Variants in REPS1 observed in about 807,000 individuals in gnomAD.
REPS1 encodes RALBP1 associated Eps domain containing 1, also known as ralBP1-associated Eps domain-containing protein 1.
Under a neutral mutation model 100.9 loss-of-function variants are expected in REPS1, and 39 were observed. The ratio of observed to expected loss-of-function variants is 0.39; its 90% CI spans 0.30 to 0.50. The LOEUF (loss-of-function observed/expected upper bound fraction) is 0.50, where lower values mean the gene tolerates loss of function less well. Ranked by LOEUF, REPS1 falls within the 20% of genes least tolerant of loss-of-function variation. The probability of loss-of-function intolerance (pLI) is 0.86; values close to 1 mark genes in which losing one functional copy is unlikely to be tolerated. For missense variants in REPS1, 821 were observed against 968.5 expected (o/e 0.85, Z 2.02); for synonymous variants, 324 against 340.3 (o/e 0.95, Z 0.53).
intron 1 of REPS1, among the ~76,000 whole-genome samples, chr6:138,979,493 A>G (rs947602469): frequency 3.3e-5 from 5 of 152,088 alleles, no homozygotes; most frequent in Non-Finnish European, 7.4e-5. Context: ...TTATCCCTCA[A>G]ATCACTCAAA....
intron 1 of REPS1, among the ~76,000 whole-genome samples, chr6:138,957,956 G>A (rs1783503092): frequency 6.6e-6 from 1 of 152,154 alleles, no homozygotes; most frequent in African/African-American, 2.4e-5. Flanking sequence ...TATTACATAT[G>A]TGAAAGTACC....
intron 4 of REPS1, 42 bp downstream of exon 4, chr6:138,945,177 T>C (rs766198689): frequency 7.2e-6 from 11 of 1,532,098 alleles, no homozygotes; most frequent in Non-Finnish European, 9.7e-6. Flanking sequence ...AAGACCAGCC[T>C]GGGCAACACA....
intron 14 of REPS1, 44 bp from the exon 15 acceptor site, chr6:138,914,805 A>T: frequency 6.7e-7 from 1 of 1,493,036 alleles, no homozygotes; most frequent in Non-Finnish European, 9.3e-7. Context: ...CTGTATAATC[A>T]CTTTGTTAAT....
At chr6:138,923,797 G>C (rs913030549) in intron 10 of REPS1, among the ~76,000 whole-genome samples, 1 of 152,132 alleles carries the variant, frequency 6.6e-6, no homozygotes, top group African/African-American at 2.4e-5. Context: ...GACCAGTTTG[G>C]AACTTTGCAC....
chr6:138,953,343 G>A (rs1359669345), intron 1 of REPS1, among the ~76,000 whole-genome samples: 1 of 151,944 alleles, frequency 6.6e-6, no homozygotes, highest in Admixed American at 6.6e-5. Context: ...ATAAACAAAT[G>A]GGATTGTATC....
intron 8 of REPS1, among the ~76,000 whole-genome samples, chr6:138,933,674 C>T (rs998615583): frequency 1.3e-5 from 2 of 152,008 alleles, no homozygotes; most frequent in Admixed American, 6.6e-5. Flanking sequence ...TAAAATAATG[C>T]CACCCCTTTT....
At chr6:138,969,410 C>T (rs1018159718) in intron 1 of REPS1, among the ~76,000 whole-genome samples, 2 of 150,614 alleles carry the variant, frequency 1.3e-5, no homozygotes, top group African/African-American at 4.9e-5. Context: ...CTGCCTTAGC[C>T]TCCTGAGCAG....
At chr6:138,979,168 G>A (rs544818089) in intron 1 of REPS1, among the ~76,000 whole-genome samples, 7 of 98,578 alleles carry the variant, frequency 7.1e-5, no homozygotes, top group Admixed American at 5.6e-4. Flanking sequence ...GCGACAGAGC[G>A]AGAATCCATC....
chr6:138,922,724 G>A (rs753418411), intron 10 of REPS1, among the ~76,000 whole-genome samples: 6 of 152,112 alleles, frequency 3.9e-5, no homozygotes, highest in Non-Finnish European at 8.8e-5. Flanking sequence ...CTGTATATGC[G>A]GCCGCTAAAG....
intron 8 of REPS1, among the ~76,000 whole-genome samples, chr6:138,939,388 A>G (rs916922629): frequency 2.9e-4 from 44 of 152,248 alleles, no homozygotes; most frequent in Non-Finnish European, 6.2e-4. Flanking sequence ...CAGATCTAAC[A>G]GGTGTAAAAT....
chr6:138,962,678 C>A (rs79121403), intron 1 of REPS1, among the ~76,000 whole-genome samples: 3,266 of 152,120 alleles, frequency 0.021, 123 homozygotes, highest in African/African-American at 0.074. Flanking sequence ...TCCCCTCAGA[C>A]CTCTCCTGTC....
intron 1 of REPS1, 139 bp from the exon 2 acceptor site, chr6:138,948,052 T>G (rs1782753807): frequency 5.1e-6 from 3 of 590,556 alleles, no homozygotes; most frequent in Admixed American, 4.3e-5. Flanking sequence ...ACAACCAACT[T>G]CCTCAAGTTT....
intron 2 of REPS1, among the ~76,000 whole-genome samples, chr6:138,946,104 C>A (rs775096636): frequency 6.6e-6 from 1 of 152,196 alleles, no homozygotes; most frequent in Non-Finnish European, 1.5e-5. Flanking sequence ...AAACCTAGAT[C>A]AGTCAGACCC....
intron 8 of REPS1, among the ~76,000 whole-genome samples, chr6:138,938,740 G>C (rs1782032904): frequency 6.6e-6 from 1 of 152,118 alleles, no homozygotes; most frequent in African/African-American, 2.4e-5. Context: ...CCTATAGTCA[G>C]AAAGGCTCCA....
intron 1 of REPS1, among the ~76,000 whole-genome samples, chr6:138,960,920 T>C (rs1783695062): frequency 6.6e-6 from 1 of 152,142 alleles, no homozygotes; most frequent in African/African-American, 2.4e-5. Flanking sequence ...CAGATAAAAG[T>C]TCTTTAAAAC....
chr6:138,962,283 G>A lies in REPS1; in HGVS notation c.154-14370C>T, dbSNP rs544590247. ...TCATGAAAGATAATCTTACATACAG[G>A]CATTATTATATATTAACCTCCCTTC... On this transcript the variant is annotated intron_variant, in intron 1 of 19. Transcript: ENST00000450536. Among the ~76,000 whole-genome samples, 16 of 152,082 alleles carry A rather than the reference G, an allele frequency of 1.1e-4. No homozygotes were observed. In the East Asian group the frequency reaches 3.1e-3, roughly 29 times the overall value.
At position 138,945,206 on chromosome 6, in the gene REPS1, A is replaced by G. The variant is rs1474740116; in HGVS notation, c.628+13T>C. 2 of 1,590,832 alleles carry G rather than the reference A, an allele frequency of 1.3e-6. No individual in the cohort carries two copies. Among genetic ancestry groups the G allele is most frequent in the Non-Finnish European group, 1.7e-6 (2 of 1,169,382 alleles). ...CAACACAATGACACTCTAATCAATC[A>G]ATCTCTAAATACCTGATTGTGCTTC... On this transcript the variant is annotated intron_variant, in intron 4 of 19. Transcript: ENST00000450536.
chr6:138,975,201 C>G (rs1267971240), intron 1 of REPS1, among the ~76,000 whole-genome samples: 5 of 152,134 alleles, frequency 3.3e-5, no homozygotes, highest in South Asian at 2.1e-4. Context: ...TCTCCCCAAA[C>G]CCCCTACTTT....
chr6:138,986,971 A>G (rs1203776774), intron 1 of REPS1, among the ~76,000 whole-genome samples: 2 of 152,192 alleles, frequency 1.3e-5, no homozygotes, highest in Non-Finnish European at 2.9e-5. Context: ...CGTTCTACAG[A>G]TAATTACAAC....
Sources: gnomAD v4.1 joint callset for allele counts (sites outside exome capture counted in the v4.1 genomes callset) on GRCh38, gnomAD v4.1.1 for gene constraint, MANE v1.5 for transcripts, NCBI Gene and HGNC (gene_info 2026-07-23, HGNC 2026-07-21) for gene names.